Variants in VRK1 observed in about 807,000 individuals in gnomAD.
VRK1 encodes serine/threonine-protein kinase VRK1.
In VRK1, 33 loss-of-function variants were observed where a neutral mutation model predicts 57.1. The ratio of observed to expected loss-of-function variants is 0.58; its 90% confidence interval spans 0.44 to 0.77. The LOEUF (loss-of-function observed/expected upper bound fraction) is 0.77. Ranked by LOEUF, VRK1 falls within the 30% of genes least tolerant of loss-of-function variation. The pLI is 0.00. For synonymous variants in VRK1, 137 were observed against 147.8 expected, an observed-to-expected ratio of 0.93 and a Z score of 0.53; for missense variants, 413 against 477.3, an observed-to-expected ratio of 0.87 and a Z score of 1.25.
In VRK1 at chr14:96,880,396, G is replaced by A. The variant is rs543173856; in HGVS notation, c.1160-781G>A. ...TGCCCCTGCTCTTTCCTGGCAGAGC[G>A]TAGCATGCGGCAGTGGGAAAGAAAT... On this transcript the variant is annotated intron_variant, in intron 12 of 12. Coordinates refer to ENST00000216639, the MANE Select transcript of VRK1 (RefSeq NM_003384.3). Among the ~76,000 whole-genome samples the A allele has an allele frequency of 4.6e-5, 7 of 152,288 alleles. No individual in the cohort carries two copies. In the South Asian group the frequency reaches 1.2e-3, roughly 27 times the overall value.
intron 1 of VRK1, among the ~76,000 whole-genome samples, chr14:96,803,756 G>A (rs1566681291): frequency 6.6e-6 from 1 of 152,042 alleles, no homozygotes; most frequent in Non-Finnish European, 1.5e-5. Flanking sequence ...TGTGCGTACT[G>A]GTATCTTGTC....
intron 5 of VRK1, among the ~76,000 whole-genome samples, chr14:96,850,405 G>T (rs921413410): frequency 9.2e-5 from 14 of 152,048 alleles, no homozygotes; most frequent in Non-Finnish European, 1.6e-4. Flanking sequence ...TACATCAAAG[G>T]TTTTACTTTA....
chr14:96,804,413 CA>C (rs1885788148), intron 1 of VRK1, among the ~76,000 whole-genome samples: 1 of 152,128 alleles, frequency 6.6e-6, no homozygotes, highest in Non-Finnish European at 1.5e-5. Flanking sequence ...GAAGGTATAA[CA>C]TGGCTGGAGT....
intron 10 of VRK1, among the ~76,000 whole-genome samples, chr14:96,860,218 C>G (rs146910026): frequency 5.9e-5 from 9 of 152,066 alleles, no homozygotes; most frequent in African/African-American, 1.9e-4. Flanking sequence ...TATTTAAGGA[C>G]ATTTTACTTT....
intron 1 of VRK1, among the ~76,000 whole-genome samples, chr14:96,815,540 T>C (rs1310052389): frequency 6.6e-6 from 1 of 152,028 alleles, no homozygotes; most frequent in East Asian, 1.9e-4. Flanking sequence ...GAGGAAAATA[T>C]ATCAGTTAAA....
intron 7 of VRK1, among the ~76,000 whole-genome samples, chr14:96,854,174 T>C (rs1394336693): frequency 6.6e-6 from 1 of 152,162 alleles, no homozygotes; most frequent in Admixed American, 6.5e-5. Context: ...CTGCTCTTTC[T>C]AGCCATTTCT....
Position 96,856,538 on chromosome 14 carries a change from A to G in VRK1, c.841A>G (p.Asn281Asp), listed in dbSNP as rs772136738. The change falls in exon 10 of 13, where the codon AAT becomes GAT. Residue 281 changes from asparagine (N) to aspartate (D), a missense_variant. By Grantham distance (23) the Asn-to-Asp change is conservative. Coordinates refer to ENST00000216639, the MANE Select transcript of VRK1 (RefSeq NM_003384.3). ...VRDSKIRYRE[N>D]IASLMDKCFP... ...TTTAATTTTTAACAGATACAGAGAAAATATTGCAAGTTTGATGGACAAATG... is the reference window on the plus strand; with the variant it reads ...TTTAATTTTTAACAGATACAGAGAAGATATTGCAAGTTTGATGGACAAATG... 9.3e-6 allele frequency: 15 copies of G among 1,613,540 alleles called. No homozygotes were observed. The South Asian group carries it at 1.3e-4, about 14-fold the overall frequency.
At chr14:96,844,649 C>T (rs1219450651) in intron 3 of VRK1, among the ~76,000 whole-genome samples, 1 of 152,184 alleles carries the variant, frequency 6.6e-6, no homozygotes, top group Non-Finnish European at 1.5e-5. Context: ...TCAAGTGATT[C>T]TCCTCCCTCA....
intron 1 of VRK1, among the ~76,000 whole-genome samples, chr14:96,817,828 T>A (rs1312070927): frequency 6.6e-6 from 1 of 152,226 alleles, no homozygotes; most frequent in Non-Finnish European, 1.5e-5. Context: ...TAGAAAAGTT[T>A]CAGTGTTTGC....
intron 7 of VRK1, among the ~76,000 whole-genome samples, chr14:96,854,519 A>G (rs1428373114): frequency 2.0e-5 from 3 of 152,172 alleles, no homozygotes; most frequent in African/African-American, 7.2e-5. Flanking sequence ...TGGCTATGGA[A>G]TGGAAGAAAG....
chr14:96,809,574 T>C (rs199718311), intron 1 of VRK1, among the ~76,000 whole-genome samples: 20 of 90,234 alleles, frequency 2.2e-4, no homozygotes, highest in African/African-American at 5.0e-4. Flanking sequence ...TGCTTTCTTT[T>C]TTTTTTTTTT....
At chr14:96,808,024 T>C (rs1244425669) in intron 1 of VRK1, among the ~76,000 whole-genome samples, 9 of 47,318 alleles carry the variant, frequency 1.9e-4, no homozygotes, top group Non-Finnish European at 4.1e-4. Flanking sequence ...CCTCTGTGTG[T>C]GTGTGTGTGT....
intron 1 of VRK1, among the ~76,000 whole-genome samples, chr14:96,816,846 T>C (rs1251245902): frequency 6.6e-6 from 1 of 152,162 alleles, no homozygotes; most frequent in African/African-American, 2.4e-5. Flanking sequence ...TGACTAGTAT[T>C]TGGGTCCTGA....
intron 12 of VRK1, among the ~76,000 whole-genome samples, chr14:96,880,367 C>G (rs1889212228): frequency 6.6e-6 from 1 of 152,168 alleles, no homozygotes; most frequent in Admixed American, 6.6e-5. Flanking sequence ...GTCCCTGACT[C>G]TGGTGCCCCT....
intron 1 of VRK1, among the ~76,000 whole-genome samples, chr14:96,829,468 T>C (rs976629848): frequency 1.3e-5 from 2 of 152,190 alleles, no homozygotes; most frequent in East Asian, 3.8e-4. Context: ...TGTGTTTCTG[T>C]GTATGTGTTT....
chr14:96,830,111 A>G (rs1203779477), intron 1 of VRK1, among the ~76,000 whole-genome samples: 1 of 152,112 alleles, frequency 6.6e-6, no homozygotes, highest in East Asian at 1.9e-4. Flanking sequence ...TATTTTCCTT[A>G]TAAAATATCT....
intron 1 of VRK1, among the ~76,000 whole-genome samples, chr14:96,828,202 G>A (rs1333504460): frequency 2.6e-5 from 4 of 152,184 alleles, no homozygotes. Flanking sequence ...TGTGAATAAA[G>A]CTGTTATCAT....
intron 1 of VRK1, among the ~76,000 whole-genome samples, chr14:96,799,901 A>C (rs1885589674): frequency 6.7e-6 from 1 of 150,088 alleles, no homozygotes; most frequent in Admixed American, 6.6e-5. Flanking sequence ...TTGCTATTGT[A>C]GTGTTTTGCT....
At chr14:96,803,675 G>C (rs576326713) in intron 1 of VRK1, among the ~76,000 whole-genome samples, 2 of 152,108 alleles carry the variant, frequency 1.3e-5, no homozygotes, top group Non-Finnish European at 2.9e-5. Flanking sequence ...ACAGATGAAG[G>C]GGGTGCTGCT....
Sources: allele counts gnomAD v4.1 joint callset (sites outside exome capture counted in the v4.1 genomes callset), GRCh38; gene constraint gnomAD v4.1.1; transcripts MANE v1.5; gene names NCBI Gene and HGNC (gene_info 2026-07-23, HGNC 2026-07-21).